The following ABRACL variants were observed in gnomAD, a reference collection of about 807,000 sequenced individuals.
The protein encoded by ABRACL is ABRA C-terminal like.
ABRACL carries 4 observed loss-of-function variants against 7.0 expected under a neutral mutation model. That is an observed-to-expected ratio of 0.57 (90% CI 0.28 to 1.30). The LOEUF (loss-of-function observed/expected upper bound fraction) is 1.30, where lower values mean the gene tolerates loss of function less well. ABRACL is among the 50% of genes most tolerant of loss of function. ABRACL has a pLI of 0.10. For synonymous variants in ABRACL, 30 were observed against 36.0 expected, an observed-to-expected ratio of 0.83 and a Z score of 0.60; for missense variants, 104 against 97.3, an observed-to-expected ratio of 1.07 and a Z score of -0.29.
At chr6:139,036,744 G>C (rs1039791807) in intron 2 of ABRACL, among the ~76,000 whole-genome samples, 4 of 152,090 alleles carry the variant, frequency 2.6e-5, no homozygotes, top group African/African-American at 9.7e-5. Flanking sequence ...AGCACATCAG[G>C]GGGCCAAGGT....
chr6:139,041,919 A>T (rs1261866870), intron 2 of ABRACL, among the ~76,000 whole-genome samples: 2 of 152,166 alleles, frequency 1.3e-5, no homozygotes, highest in East Asian at 3.9e-4. Flanking sequence ...TGGGAACTCA[A>T]GAACCTTTGG....
intron 2 of ABRACL, among the ~76,000 whole-genome samples, chr6:139,038,385 A>C (rs1422686927): frequency 6.6e-6 from 1 of 152,212 alleles, no homozygotes; most frequent in Non-Finnish European, 1.5e-5. Context: ...CTGGCAAAAG[A>C]TGACTTATTG....
intron 1 of ABRACL, among the ~76,000 whole-genome samples, chr6:139,031,276 G>A (rs1283237752): frequency 6.6e-6 from 1 of 152,168 alleles, no homozygotes; most frequent in Admixed American, 6.5e-5. Flanking sequence ...TTTATTCATT[G>A]TTGGGCAATT....
chr6:139,034,059 C>G (rs1786119936), intron 1 of ABRACL, 96 bp from the exon 2 acceptor site: 1 of 1,473,228 alleles, frequency 6.8e-7, no homozygotes, highest in Non-Finnish European at 9.3e-7. Context: ...TTAATAGTGA[C>G]AGACGCGACC....
chr6:139,034,355 C>A, intron 2 of ABRACL, 134 bp downstream of exon 2: 1 of 1,572,516 alleles, frequency 6.4e-7, no homozygotes, highest in East Asian at 2.4e-5. Context: ...CCCACAGCCC[C>A]AGGTTATAAC....
chr6:139,032,083 C>A (rs1786089773), intron 1 of ABRACL, among the ~76,000 whole-genome samples: 1 of 152,116 alleles, frequency 6.6e-6, no homozygotes, highest in Non-Finnish European at 1.5e-5. Context: ...GCCTCAGCCT[C>A]CCGAGTAGCT....
At chr6:139,038,971 C>A (rs1029273326) in intron 2 of ABRACL, among the ~76,000 whole-genome samples, 2 of 152,208 alleles carry the variant, frequency 1.3e-5, no homozygotes, top group African/African-American at 2.4e-5. Context: ...TGCCTATAAT[C>A]CCAGCACTTT....
rs1786121639 is a variant in ABRACL, at chr6:139,034,176, G to A, written c.16G>A (p.Glu6Lys). The change falls in exon 2 of 3, where the codon GAG becomes AAG. Residue 6 changes from glutamate to lysine, a missense_variant. Glu to Lys is a moderately conservative substitution (Grantham distance 56, BLOSUM62 1). Coordinates refer to ENST00000367660, the MANE Select transcript of ABRACL (RefSeq NM_021243.3). Reference sequence around the variant, plus strand: ...CCAGGCAGCAATGAATGTGGATCACGAGGTTAACCTCTTAGTGGAGGAAAT... The same window carrying A: ...CCAGGCAGCAATGAATGTGGATCACAAGGTTAACCTCTTAGTGGAGGAAAT... The part of the protein sequence containing the change: MNVDH[E>K]VNLLVEEIHR... 13 of 1,614,198 alleles carry A rather than the reference G, an allele frequency of 8.1e-6. No homozygotes were observed. Among genetic ancestry groups the A allele is most frequent in the Non-Finnish European group, 9.3e-6 (11 of 1,180,040 alleles).
chr6:139,033,044 C>T (rs550588049), intron 1 of ABRACL, among the ~76,000 whole-genome samples: 18 of 152,314 alleles, frequency 1.2e-4, no homozygotes, highest in Non-Finnish European at 2.6e-4. Flanking sequence ...TCCTCCTCCA[C>T]GGTTTCAGGG....
At chr6:139,040,389 G>C (rs1237867795) in intron 2 of ABRACL, among the ~76,000 whole-genome samples, 1 of 152,192 alleles carries the variant, frequency 6.6e-6, no homozygotes, top group African/African-American at 2.4e-5. Flanking sequence ...TGAGGGGTGA[G>C]GGGGCATGAG....
Position 139,039,088 on chromosome 6 carries a change from G to T in ABRACL, c.62-3631G>T, listed in dbSNP as rs1015099795. Among the ~76,000 whole-genome samples, 3 of 152,158 alleles carry T rather than the reference G, an allele frequency of 2.0e-5. No homozygotes were observed. In the East Asian group the frequency reaches 5.8e-4, roughly 29 times the overall value. On this transcript the variant is annotated intron_variant, in intron 2 of 2. Transcript: ENST00000367660. The stretch of plus-strand genomic sequence containing the variant: ...AAAATACAAAAATTAGCTGGGCCTC[G>T]TGGCGGGTGCCTGTAATCCCAGCTA...
intron 2 of ABRACL, among the ~76,000 whole-genome samples, chr6:139,038,408 T>C (rs994624738): frequency 1.3e-5 from 2 of 152,248 alleles, no homozygotes; most frequent in Non-Finnish European, 2.9e-5. Flanking sequence ...TTTGAAAGCA[T>C]ATATAGATAT....
intron 1 of ABRACL, among the ~76,000 whole-genome samples, chr6:139,032,021 C>T (rs761513687): frequency 1.3e-5 from 2 of 151,212 alleles, no homozygotes; most frequent in Non-Finnish European, 1.5e-5. Flanking sequence ...AGTGCAGTGG[C>T]GTGATCTCGG....
chr6:139,035,299 C>G (rs911367358), intron 2 of ABRACL, among the ~76,000 whole-genome samples: 2 of 152,172 alleles, frequency 1.3e-5, no homozygotes, highest in Non-Finnish European at 2.9e-5. Flanking sequence ...TGACAACGGT[C>G]CTGCTGGAGT....
At chr6:139,029,455 C>T (rs1000784006) in intron 1 of ABRACL, among the ~76,000 whole-genome samples, 1 of 151,866 alleles carries the variant, frequency 6.6e-6, no homozygotes, top group Non-Finnish European at 1.5e-5. Context: ...GCCCGGGCCA[C>T]GGGGGAGGCA....
chr6:139,037,307 T>A (rs758203292), intron 2 of ABRACL, among the ~76,000 whole-genome samples: 6 of 152,188 alleles, frequency 3.9e-5, no homozygotes, highest in Non-Finnish European at 7.3e-5. Flanking sequence ...TTTCCCGGGC[T>A]GGAGTGCAGT....
At chr6:139,033,992 GA>G (rs1786118772) in intron 1 of ABRACL, among the ~76,000 whole-genome samples, 162 bp from the exon 2 acceptor site, 1 of 152,128 alleles carries the variant, frequency 6.6e-6, no homozygotes, top group Non-Finnish European at 1.5e-5. Flanking sequence ...GGAAAATGGG[GA>G]CACTTCAGTG....
rs9767068 is a variant in ABRACL at position 139,035,588 on chromosome 6, T to C, written c.61+1367T>C. Among the ~76,000 whole-genome samples the C allele has an allele frequency of 5.2e-3, 787 of 152,110 alleles. 9 individuals carry two copies. The highest frequency in any genetic ancestry group is 0.017 in the African/African-American group (711 of 41,532). On this transcript the variant is annotated intron_variant, in intron 2 of 2. Transcript: ENST00000367660. ...ACCTCCGCCTCCCGGGTTCAAGCGATTCTCCTGCCTCAGCCTCCCAAGTAG... is the reference window on the plus strand; with the variant it reads ...ACCTCCGCCTCCCGGGTTCAAGCGACTCTCCTGCCTCAGCCTCCCAAGTAG...
intron 2 of ABRACL, among the ~76,000 whole-genome samples, chr6:139,042,043 T>C (rs532678503): frequency 3.3e-5 from 5 of 152,258 alleles, no homozygotes; most frequent in African/African-American, 1.2e-4. Flanking sequence ...TTCAGTCAAG[T>C]GGTCAAAGGA....
Sources: allele counts gnomAD v4.1 joint callset (sites outside exome capture counted in the v4.1 genomes callset), GRCh38; gene constraint gnomAD v4.1.1; transcripts MANE v1.5; gene names NCBI Gene and HGNC (gene_info 2026-07-23, HGNC 2026-07-21).